The following MYO10 variants were observed in gnomAD, a reference collection of about 807,000 sequenced individuals.
MYO10 encodes the protein unconventional myosin-X.
Under a neutral mutation model 257.3 loss-of-function variants are expected in MYO10, and 133 were observed. The ratio of observed to expected loss-of-function variants is 0.52; its 90% CI spans 0.45 to 0.60. The LOEUF (loss-of-function observed/expected upper bound fraction) is 0.60, where lower values mean the gene tolerates loss of function less well. Ranked by LOEUF, MYO10 falls within the 20% of genes least tolerant of loss-of-function variation. The pLI is 0.00. For synonymous variants in MYO10, 1,104 were observed against 1,028.6 expected (o/e 1.07, Z -1.40); for missense variants, 2,399 against 2,635.7 (o/e 0.91, Z 1.97).
At chr5:16,742,130 T>C in intron 19 of MYO10, 1 of 985,190 alleles carries the variant, frequency 1.0e-6, no homozygotes, top group Non-Finnish European at 1.2e-6. Flanking sequence ...TAAAAGCCAA[T>C]CAATAATTTT....
At position 16,935,819 on chromosome 5, in the gene MYO10, C is replaced by T. The variant is rs894684443; in HGVS notation, c.-11G>A. ...GAAGAAGTTATCCATTGTTCCAGCGCAGTCCCGGACTCGCCGAGTGCCGCT... is the reference window on the plus strand; with the variant it reads ...GAAGAAGTTATCCATTGTTCCAGCGTAGTCCCGGACTCGCCGAGTGCCGCT... On this transcript the variant is annotated 5_prime_UTR_variant, in exon 1 of 41. Coordinates refer to ENST00000513610, the MANE Select transcript of MYO10 (RefSeq NM_012334.3). The T allele has an allele frequency of 6.2e-7, 1 of 1,613,032 alleles. No homozygotes were observed. Among genetic ancestry groups the T allele is most frequent in the African/African-American group, 1.3e-5 (1 of 75,042 alleles).
rs1190852091 is a variant in MYO10, at chr5:16,844,940, ACACACACACACACG to A, written c.121-26787_121-26774del. 1.0e-3 allele frequency among the ~76,000 whole-genome samples: 132 copies of A among 130,070 alleles called. 1 individual carries two copies. The highest frequency in any genetic ancestry group is 4.7e-3 in the African/African-American group (129 of 27,254). The allele number at this position is 130,070 out of a possible 152,430, so 85.3% of individuals were successfully genotyped here. ...ATTCCAACAAAGTAATTCCAGATAC[ACACACACACACACG>A]CACACACACACACACACACACACAG... On this transcript the variant is annotated intron_variant, in intron 2 of 40. Transcript: ENST00000513610.
intron 1 of MYO10, among the ~76,000 whole-genome samples, chr5:16,903,552 T>C (rs1267030443): frequency 2.6e-5 from 4 of 152,240 alleles, no homozygotes; most frequent in Admixed American, 6.5e-5. Flanking sequence ...GCTTTACTGA[T>C]TGGCTTTCAT....
chr5:16,679,934 T>C lies in MYO10; in HGVS notation c.4542+13A>G. On this transcript the variant is annotated intron_variant, in intron 33 of 40. Transcript: ENST00000513610. ...CTGTAATCACCCACCTTGATGGGCT[T>C]GTCTTGGCTTACCTTGATATCTTGA... is the stretch of plus-strand genomic sequence containing the variant. 1.2e-6 allele frequency: 2 copies of C among 1,612,516 alleles called. No homozygotes were observed. Among genetic ancestry groups the C allele is most frequent in the Admixed American group, 3.3e-5 (2 of 59,920 alleles).
At chr5:16,830,746 C>CA (rs1250228761) in intron 2 of MYO10, among the ~76,000 whole-genome samples, 4 of 151,072 alleles carry the variant, frequency 2.6e-5, no homozygotes, top group Non-Finnish European at 4.4e-5. Flanking sequence ...CTTACATTTG[C>CA]AAAAAAACTT....
intron 2 of MYO10, among the ~76,000 whole-genome samples, chr5:16,857,198 A>C (rs1200887313): frequency 6.6e-6 from 1 of 152,176 alleles, no homozygotes; most frequent in African/African-American, 2.4e-5. Flanking sequence ...GCTCTCCCTT[A>C]AGCCAACCCA....
intron 1 of MYO10, among the ~76,000 whole-genome samples, chr5:16,880,499 T>C (rs75263757): frequency 0.022 from 3,323 of 152,268 alleles, 56 homozygotes; most frequent in Middle Eastern, 0.034. Context: ...GTACATGCTA[T>C]GGAGATTCTA....
At chr5:16,731,133 C>G (rs1375365929) in intron 19 of MYO10, among the ~76,000 whole-genome samples, 2 of 151,708 alleles carry the variant, frequency 1.3e-5, no homozygotes, top group Non-Finnish European at 2.9e-5. Flanking sequence ...GCAACCTCCA[C>G]CCCCTGGGTT....
rs1736066415 is a variant in MYO10, at chr5:16,663,939, A to AC, written c.*2752dup. ...ACCAATCTCCCTTGGATACCAAGGG[A>AC]CGACTGCACTTCACTGACCTTGTTG... On this transcript the variant is annotated 3_prime_UTR_variant, in exon 41 of 41. Transcript: ENST00000513610. 1 of 151,788 alleles carries AC rather than the reference A, an allele frequency of 6.6e-6. No individual in the cohort carries two copies. Among genetic ancestry groups the AC allele is most frequent in the Non-Finnish European group, 1.5e-5 (1 of 67,996 alleles). The allele number at this position is 151,788 out of a possible 1,614,324, so 9.4% of individuals were successfully genotyped here.
rs1452810194 is a variant in MYO10, at chr5:16,713,593, C to T, written c.1930-2348G>A. The T allele has an allele frequency of 1.2e-5, 9 of 738,000 alleles. No homozygotes were observed. The South Asian group carries it at 4.3e-4, about 35-fold the overall frequency. 45.7% of individuals were successfully genotyped at this position (738,000 alleles called of 1,614,324 possible). A position where few individuals can be genotyped will look rare whatever the true frequency, so the allele number is the denominator to read the frequency against. On this transcript the variant is annotated intron_variant, in intron 19 of 40. Coordinates refer to ENST00000513610, the MANE Select transcript of MYO10 (RefSeq NM_012334.3). ...GCAAGGAGCGGCCTCGAGATCCAGG[C>T]TCCCATTGCGATTGTGTCCCTGCCC... is the stretch of plus-strand genomic sequence containing the variant.
chr5:16,729,649 T>C (rs1219341080), intron 19 of MYO10, among the ~76,000 whole-genome samples: 1 of 152,154 alleles, frequency 6.6e-6, no homozygotes, highest in African/African-American at 2.4e-5. Context: ...TTTCACCGTG[T>C]TAGCCAGAAT....
At chr5:16,712,381 A>T (rs1433692530) in intron 19 of MYO10, among the ~76,000 whole-genome samples, 1 of 152,234 alleles carries the variant, frequency 6.6e-6, no homozygotes, top group Non-Finnish European at 1.5e-5. Flanking sequence ...TTTTCAGAGG[A>T]AAGCAAAAAA....
intron 19 of MYO10, among the ~76,000 whole-genome samples, chr5:16,753,824 A>AT (rs1193605210): frequency 6.6e-6 from 1 of 152,194 alleles, no homozygotes; most frequent in African/African-American, 2.4e-5. Context: ...AATCCATGCA[A>AT]TATTAAGCCA....
chr5:16,890,249 T>C (rs1245135196), intron 1 of MYO10, among the ~76,000 whole-genome samples: 1 of 151,792 alleles, frequency 6.6e-6, no homozygotes, highest in Non-Finnish European at 1.5e-5. Context: ...TTGGCAAGAA[T>C]GTGGAGAAAC....
At chr5:16,902,438 A>G in intron 1 of MYO10, 1 of 1,246,178 alleles carries the variant, frequency 8.0e-7, no homozygotes, top group South Asian at 1.2e-5. Context: ...GTAACTTCAC[A>G]TACAGCTTGG....
At chr5:16,688,480 C>T (rs1048260381) in intron 28 of MYO10, among the ~76,000 whole-genome samples, 10 of 152,302 alleles carry the variant, frequency 6.6e-5, no homozygotes, top group African/African-American at 2.2e-4. Context: ...GAGGCTCACG[C>T]CTGTAATCCC....
At chr5:16,746,133 T>TA (rs1740186877) in intron 19 of MYO10, among the ~76,000 whole-genome samples, 1 of 152,190 alleles carries the variant, frequency 6.6e-6, no homozygotes, top group Non-Finnish European at 1.5e-5. Context: ...AGGGGTGCAT[T>TA]ATTCATGCCT....
chr5:16,751,571 TC>T (rs1271557936), intron 19 of MYO10, among the ~76,000 whole-genome samples: 2 of 151,764 alleles, frequency 1.3e-5, no homozygotes, highest in Non-Finnish European at 2.9e-5. Context: ...AACCACCACC[TC>T]CCAGGTTCAG....
At position 16,670,566 on chromosome 5, in the gene MYO10, T is replaced by C. The variant is rs1200308323; in HGVS notation, c.5843A>G (p.Lys1948Arg). 3.7e-6 allele frequency: 6 copies of C among 1,613,700 alleles called. No individual in the cohort carries two copies. The Admixed American group carries it at 1.0e-4, about 27-fold the overall frequency. The part of the protein sequence containing the change: ...QAMAKYMALI[K>R]EWPGYGSTLF... ...CGTCGAGCCATAGCCAGGCCACTCCTTGATCAAGGCCATGTACTTGGCCAT... is the reference window on the plus strand; with the variant it reads ...CGTCGAGCCATAGCCAGGCCACTCCCTGATCAAGGCCATGTACTTGGCCAT... The change falls in exon 39 of 41, where the codon AAG (lysine) becomes AGG (arginine). Residue 1948 changes from lysine to arginine, a missense_variant. Physicochemically the swap from Lys to Arg is conservative, Grantham distance 26. Transcript: ENST00000513610.
Sources: allele counts gnomAD v4.1 joint callset (sites outside exome capture counted in the v4.1 genomes callset), GRCh38; gene constraint gnomAD v4.1.1; transcripts MANE v1.5; gene names NCBI Gene and HGNC (gene_info 2026-07-23, HGNC 2026-07-21).